HIVEP1: variants seen among roughly 807,000 people sequenced by gnomAD.
HIVEP1 encodes HIVEP zinc finger 1.
A neutral mutation model predicts 180.0 loss-of-function variants in HIVEP1; 36 were observed. The ratio of observed to expected loss-of-function variants is 0.20; its 90% CI spans 0.15 to 0.26. HIVEP1 has a LOEUF of 0.26. Ranked by LOEUF, HIVEP1 falls within the 10% of genes least tolerant of loss-of-function variation. The pLI is 1.00. For missense variants in HIVEP1, 3,143 were observed against 3,268.7 expected, an observed-to-expected ratio of 0.96 and a Z score of 0.94; for synonymous variants, 1,239 against 1,239.0, an observed-to-expected ratio of 1.00 and a Z score of 0.00.
downstream of HIVEP1, among the ~76,000 whole-genome samples, chr6:12,167,655 G>GTTATATATACATATACGTATATA (rs1562023688): frequency 9.7e-6 from 1 of 103,374 alleles, no homozygotes; most frequent in East Asian, 2.7e-4. Context: ...ACATATATAT[G>GTTATATATACATATACGTATATA]TTATATATAC....
chr6:12,195,925 G>A, the HIVEP1 span, among the ~76,000 whole-genome samples: 8 of 152,168 alleles, frequency 5.3e-5, no homozygotes, highest in East Asian at 1.9e-4. Flanking sequence ...ATAACTATCC[G>A]TTCACCTTTG....
intron 3 of HIVEP1, among the ~76,000 whole-genome samples, chr6:12,119,552 C>T (rs1775431771): frequency 6.6e-6 from 1 of 152,194 alleles, no homozygotes; most frequent in African/African-American, 2.4e-5. Context: ...GTTTCTTTAA[C>T]CCCATGGAGC....
intron 7 of HIVEP1, among the ~76,000 whole-genome samples, chr6:12,138,017 G>A (rs1043624542): frequency 1.3e-5 from 2 of 152,130 alleles, no homozygotes; most frequent in Non-Finnish European, 2.9e-5. Context: ...TTGCTGCTGA[G>A]GGGCAGCTTC....
intron 2 of HIVEP1, among the ~76,000 whole-genome samples, chr6:12,040,773 A>G (rs957502697): frequency 6.6e-6 from 1 of 152,146 alleles, no homozygotes; most frequent in Non-Finnish European, 1.5e-5. Flanking sequence ...TACAGGAAGC[A>G]TAGCACTGGC....
chr6:12,093,617 ATT>A (rs1449288400), intron 3 of HIVEP1, among the ~76,000 whole-genome samples: 2 of 151,758 alleles, frequency 1.3e-5, no homozygotes, highest in Non-Finnish European at 2.9e-5. Flanking sequence ...GTGGGTAACC[ATT>A]GCTAATATTG....
At chr6:12,165,251 G>A, downstream of HIVEP1, 1 of 383,842 alleles carries the variant, frequency 2.6e-6, no homozygotes, top group Non-Finnish European at 5.0e-6. Context: ...AATACTTTCT[G>A]TATATACATA....
chr6:12,126,938 A>G (rs1422784900), intron 4 of HIVEP1, among the ~76,000 whole-genome samples: 6 of 152,030 alleles, frequency 3.9e-5, no homozygotes, highest in Non-Finnish European at 7.4e-5. Context: ...GGCTCATTGC[A>G]TCCTCCCCTC....
chr6:12,161,938 T>C lies in HIVEP1; in HGVS notation c.6978+9T>C, dbSNP rs1420602133. On this transcript the variant is annotated intron_variant, in intron 8 of 8. Transcript: ENST00000379388. Reference sequence around the variant, plus strand: ...CTGTTGCTATAACACAGGTAAATGATTGGCAGTTGTTCTTTTATTTCTTTT... The same window carrying C: ...CTGTTGCTATAACACAGGTAAATGACTGGCAGTTGTTCTTTTATTTCTTTT... 1 of 1,583,686 alleles carries C rather than the reference T, an allele frequency of 6.3e-7. No individual in the cohort carries two copies. Among genetic ancestry groups the C allele is most frequent in the African/African-American group, 1.4e-5 (1 of 73,628 alleles).
At chr6:12,206,157 A>G in the HIVEP1 span, among the ~76,000 whole-genome samples, 1 of 152,050 alleles carries the variant, frequency 6.6e-6, no homozygotes, top group African/African-American at 2.4e-5. Flanking sequence ...TCTTGGAGAC[A>G]GAGTCTCGCT....
chr6:12,044,026 C>G (rs1769952041), intron 2 of HIVEP1, among the ~76,000 whole-genome samples: 2 of 152,022 alleles, frequency 1.3e-5, no homozygotes, highest in Admixed American at 1.3e-4. Context: ...ATTCTGGGCT[C>G]TCTTTTTAAA....
intron 2 of HIVEP1, among the ~76,000 whole-genome samples, chr6:12,086,914 T>C (rs1773158009): frequency 6.6e-6 from 1 of 152,136 alleles, no homozygotes; most frequent in Admixed American, 6.6e-5. Flanking sequence ...TTTGTAATTT[T>C]GGAGAGTGTC....
chr6:12,187,476 A>G, the HIVEP1 span, among the ~76,000 whole-genome samples: 2 of 152,074 alleles, frequency 1.3e-5, no homozygotes, highest in African/African-American at 2.4e-5. Context: ...ATCTCTGCAC[A>G]TACCAGCTCC....
At chr6:12,160,005 C>G (rs2113681799) in intron 7 of HIVEP1, among the ~76,000 whole-genome samples, 1 of 152,306 alleles carries the variant, frequency 6.6e-6, no homozygotes, top group East Asian at 1.9e-4. Flanking sequence ...TTGGGAAAGG[C>G]AGCCTATTGC....
At chr6:12,017,240 G>C (rs1767840076) in intron 2 of HIVEP1, among the ~76,000 whole-genome samples, 1 of 152,174 alleles carries the variant, frequency 6.6e-6, no homozygotes, top group Non-Finnish European at 1.5e-5. Context: ...TGGAATTGGT[G>C]GGTTCTTGGT....
At chr6:12,034,367 C>T (rs1411732674) in intron 2 of HIVEP1, among the ~76,000 whole-genome samples, 1 of 152,062 alleles carries the variant, frequency 6.6e-6, no homozygotes, top group African/African-American at 2.4e-5. Flanking sequence ...AAGTTTAGAC[C>T]TTTTATTCTT....
intron 2 of HIVEP1, among the ~76,000 whole-genome samples, chr6:12,074,554 G>C (rs1772210658): frequency 1.3e-5 from 2 of 149,170 alleles, no homozygotes; most frequent in South Asian, 4.3e-4. Context: ...TAGGTCTGTA[G>C]CAGGGGTTCT....
chr6:12,129,801 A>G lies in HIVEP1; in HGVS notation c.6118A>G (p.Asn2040Asp). Reference protein sequence around the residue: ...NQKSTVVEFSNKDASEINSEQ... With the variant: ...NQKSTVVEFSDKDASEINSEQ... ...AAAGTCCACAGTAGTTGAATTCAGC[A>G]ATAAAGATGCCTCTGAAATTAACAG... Residue 2040 changes from asparagine to aspartate, a missense_variant, in exon 5 of 9, where the codon AAT becomes GAT. Physicochemically the swap from Asn to Asp is conservative, Grantham distance 23. Around this residue, in one of 12 missense-constraint regions of HIVEP1, gnomAD observed 1,357 missense variants for 1,260.5 expected, o/e 1.08. Transcript: ENST00000379388. The G allele has an allele frequency of 6.3e-7, 1 of 1,599,254 alleles. No individual in the cohort carries two copies. The highest frequency in any genetic ancestry group is 8.6e-7 in the Non-Finnish European group (1 of 1,166,602).
Position 12,163,474 on chromosome 6 carries a change from G to A in HIVEP1, c.7170G>A (p.Gln2390=), listed in dbSNP as rs753466519. Residue 2390 remains glutamine (Q), a synonymous_variant, in exon 9 of 9, where the codon CAG becomes CAA. Transcript: ENST00000379388. ...GCCACCTTCCTTTGCATTCCCAGCAGCAATCGAGGACACCTTATAATATGG... is the reference window on the plus strand; with the variant it reads ...GCCACCTTCCTTTGCATTCCCAGCAACAATCGAGGACACCTTATAATATGG... ...LFSHLPLHSQ[Q]QSRTPYNMVP... 4.3e-6 allele frequency: 7 copies of A among 1,614,138 alleles called. No homozygotes were observed. Among genetic ancestry groups the A allele is most frequent in the African/African-American group, 1.3e-5 (1 of 75,018 alleles).
chr6:12,132,121 G>A (rs570157669), intron 6 of HIVEP1, among the ~76,000 whole-genome samples: 1 of 152,136 alleles, frequency 6.6e-6, no homozygotes, highest in Non-Finnish European at 1.5e-5. Context: ...GGGATACTCA[G>A]GATGCAGTTT....
Sources: gnomAD v4.1 joint callset for allele counts (sites outside exome capture counted in the v4.1 genomes callset) on GRCh38, gnomAD v4.1.1 for gene constraint, gnomAD v4.1.1 regional missense constraint, MANE v1.5 for transcripts, NCBI Gene and HGNC (gene_info 2026-07-23, HGNC 2026-07-21) for gene names.